The following RILPL2 variants were observed in gnomAD, a reference collection of about 807,000 sequenced individuals.
RILPL2 encodes the protein Rab interacting lysosomal protein like 2.
Under a neutral mutation model 22.2 loss-of-function variants are expected in RILPL2, and 19 were observed. That is an observed-to-expected ratio of 0.86 (90% CI 0.60 to 1.25). RILPL2 has a LOEUF of 1.25. Ranked by LOEUF, RILPL2 falls within the 50% of genes most tolerant of loss-of-function variation. RILPL2 has a pLI of 0.00. For missense variants in RILPL2, 243 were observed against 263.6 expected (o/e 0.92, Z 0.54); for synonymous variants, 123 against 111.6 (o/e 1.10, Z -0.64).
the RILPL2 span, among the ~76,000 whole-genome samples, chr12:123,409,569 GACAGTCTCTGTT>G: frequency 7.6e-6 from 1 of 131,582 alleles, no homozygotes; most frequent in African/African-American, 3.7e-5. Flanking sequence ...TTTTTTTTGA[GACAGTCTCTGTT>G]ACCTAGGCTG....
chr12:123,415,820 G>T lies in RILPL2; in HGVS notation c.*71C>A. ...TAGTGTGTCTGTGTGGCACAGGGAG[G>T]TGGTTTTGCCAGGCATCTTGGAAGG... On this transcript the variant is annotated 3_prime_UTR_variant, in exon 4 of 4. Coordinates refer to ENST00000280571, the MANE Select transcript of RILPL2 (RefSeq NM_145058.3). 6.9e-7 allele frequency: 1 copy of T among 1,441,624 alleles called. No homozygotes were observed. Among genetic ancestry groups the T allele is most frequent in the East Asian group, 2.3e-5 (1 of 44,072 alleles). The allele number at this position is 1,441,624 out of a possible 1,614,324, so 89.3% of individuals were successfully genotyped here.
chr12:123,417,040 C>T (rs997635943), intron 3 of RILPL2, among the ~76,000 whole-genome samples: 3 of 152,030 alleles, frequency 2.0e-5, no homozygotes, highest in Non-Finnish European at 4.4e-5. Context: ...GGCTTACACC[C>T]GTAATCCTAG....
intron 2 of RILPL2, among the ~76,000 whole-genome samples, chr12:123,423,962 C>T (rs1879364500): frequency 6.6e-6 from 1 of 151,962 alleles, no homozygotes; most frequent in South Asian, 2.1e-4. Flanking sequence ...CCTCTTGTTT[C>T]TTTCTCTTAC....
At chr12:123,430,357 C>G in intron 2 of RILPL2, 151 bp downstream of exon 2, 2 of 578,448 alleles carry the variant, frequency 3.5e-6, no homozygotes, top group South Asian at 5.7e-5. Flanking sequence ...TGCAGTGAGC[C>G]GAGATCGCGC....
At chr12:123,435,702 G>A (rs560462693) in intron 1 of RILPL2, among the ~76,000 whole-genome samples, 1 of 152,268 alleles carries the variant, frequency 6.6e-6, no homozygotes, top group African/African-American at 2.4e-5. Context: ...TTGCACCACT[G>A]CACTCTAGCC....
downstream of RILPL2, chr12:123,411,552 C>CA: frequency 2.3e-5 from 2 of 86,230 alleles, no homozygotes; most frequent in African/African-American, 1.0e-4. Context: ...GCTTGAAAAC[C>CA]TTTTTTTTTT....
At chr12:123,427,589 C>G (rs1879477704) in intron 2 of RILPL2, among the ~76,000 whole-genome samples, 1 of 151,914 alleles carries the variant, frequency 6.6e-6, no homozygotes, top group Admixed American at 6.6e-5. Flanking sequence ...GTCACCCAGG[C>G]TGGAGTGCAG....
In RILPL2 at chr12:123,415,548, G is replaced by T; in HGVS notation, c.*343C>A. On this transcript the variant is annotated 3_prime_UTR_variant, in exon 4 of 4. Coordinates refer to ENST00000280571, the MANE Select transcript of RILPL2 (RefSeq NM_145058.3). ...CCTTCTGCTAACCATTGAAGACCAGGGTCATCCGTGGGAGCAGATGAGTAG... is the reference window on the plus strand; with the variant it reads ...CCTTCTGCTAACCATTGAAGACCAGTGTCATCCGTGGGAGCAGATGAGTAG... 3.2e-6 allele frequency: 1 copy of T among 311,872 alleles called. No homozygotes were observed. The highest frequency in any genetic ancestry group is 6.0e-6 in the Non-Finnish European group (1 of 167,298). 19.3% of individuals were successfully genotyped at this position (311,872 alleles called of 1,614,324 possible).
At chr12:123,415,997 C>A (rs752067277) in intron 3 of RILPL2, 76 bp from the exon 4 acceptor site, 1 of 1,431,178 alleles carries the variant, frequency 7.0e-7, no homozygotes, top group South Asian at 1.1e-5. Flanking sequence ...CGTAAAATTT[C>A]TAAGTAGCTC....
At chr12:123,424,349 T>TTTTTG in intron 2 of RILPL2, among the ~76,000 whole-genome samples, 1 of 150,186 alleles carries the variant, frequency 6.7e-6, no homozygotes, top group Non-Finnish European at 1.5e-5. Context: ...TTTTTTTTTT[T>TTTTTG]GAGACAGAGT....
At chr12:123,420,966 G>A (rs1236960954) in intron 3 of RILPL2, among the ~76,000 whole-genome samples, 1 of 151,940 alleles carries the variant, frequency 6.6e-6, no homozygotes, top group Non-Finnish European at 1.5e-5. Context: ...CTGTAAAACA[G>A]ATCTCCTGAG....
intron 3 of RILPL2, among the ~76,000 whole-genome samples, chr12:123,418,387 C>T (rs777174108): frequency 6.6e-5 from 10 of 152,106 alleles, no homozygotes; most frequent in Non-Finnish European, 1.3e-4. Flanking sequence ...TAAAGTAGTC[C>T]TCTCTCTCCC....
intron 2 of RILPL2, among the ~76,000 whole-genome samples, chr12:123,427,153 T>C (rs79908979): frequency 6.6e-6 from 1 of 152,244 alleles, no homozygotes; most frequent in Admixed American, 6.6e-5. Context: ...AGCCTGAGCT[T>C]CTCACTTGGC....
intron 1 of RILPL2, among the ~76,000 whole-genome samples, chr12:123,435,179 C>CA (rs554479178): frequency 0.029 from 4,072 of 140,374 alleles, 133 homozygotes; most frequent in African/African-American, 0.081. Flanking sequence ...GATTCTGACT[C>CA]AAAAAAAAAA....
intron 2 of RILPL2, among the ~76,000 whole-genome samples, chr12:123,424,395 G>A (rs540072242): frequency 4.7e-5 from 7 of 149,102 alleles, no homozygotes; most frequent in East Asian, 2.0e-4. Context: ...GCAGTGGCAC[G>A]ATCTCGGCTC....
rs1282816118 is a variant in RILPL2 at position 123,415,705 on chromosome 12, T to C, written c.*186A>G. Reference sequence around the variant, plus strand: ...CCCAGGCCAAATCTTCAAGGGTGTCTAGTTCTGCAGCCAGGGAGAAAGTGA... The same window carrying C: ...CCCAGGCCAAATCTTCAAGGGTGTCCAGTTCTGCAGCCAGGGAGAAAGTGA... On this transcript the variant is annotated 3_prime_UTR_variant, in exon 4 of 4. Transcript: ENST00000280571. The C allele has an allele frequency of 2.1e-5, 15 of 709,322 alleles. No homozygotes were observed. Among genetic ancestry groups the C allele is most frequent in the Non-Finnish European group, 3.8e-5 (15 of 393,488 alleles). 43.9% of individuals were successfully genotyped at this position (709,322 alleles called of 1,614,324 possible). A position where few individuals can be genotyped will look rare whatever the true frequency, so the allele number is the denominator to read the frequency against.
intron 1 of RILPL2, among the ~76,000 whole-genome samples, chr12:123,432,985 TAAGAAGAAGAAG>T (rs147578719): frequency 1.3e-5 from 2 of 151,306 alleles, no homozygotes; most frequent in African/African-American, 4.9e-5. Flanking sequence ...TAATAATAAT[TAAGAAGAAGAAG>T]AAGAAGAAGA....
At chr12:123,411,094 G>GT (rs2139224131), downstream of RILPL2, 1 of 151,884 alleles carries the variant, frequency 6.6e-6, no homozygotes, top group East Asian at 1.9e-4. Flanking sequence ...CCAGGCTGGA[G>GT]TGCAGTGGTG....
At chr12:123,421,483 C>T (rs985357661) in intron 3 of RILPL2, among the ~76,000 whole-genome samples, 1 of 152,014 alleles carries the variant, frequency 6.6e-6, no homozygotes, top group African/African-American at 2.4e-5. Context: ...CTCACATGAA[C>T]CACTGCCCCC....
Sources: allele counts gnomAD v4.1 joint callset (sites outside exome capture counted in the v4.1 genomes callset), GRCh38; gene constraint gnomAD v4.1.1; transcripts MANE v1.5; gene names NCBI Gene and HGNC (gene_info 2026-07-23, HGNC 2026-07-21).